Variants in SEMA6A observed in about 807,000 individuals in gnomAD.
The protein encoded by SEMA6A is semaphorin 6A, also known as semaphorin-6A.
SEMA6A carries 25 observed loss-of-function variants against 96.8 expected under a neutral mutation model. That is an observed-to-expected ratio of 0.26 (90% CI 0.19 to 0.36). The LOEUF is 0.36. Ranked by LOEUF, SEMA6A falls within the 10% of genes least tolerant of loss-of-function variation. The probability of loss-of-function intolerance (pLI) is 1.00; values close to 1 mark genes in which losing one functional copy is unlikely to be tolerated. For synonymous variants in SEMA6A, 612 were observed against 518.0 expected, an observed-to-expected ratio of 1.18 and a Z score of -2.46; for missense variants, 1,363 against 1,323.1, an observed-to-expected ratio of 1.03 and a Z score of -0.47.
At chr5:116,489,399 A>G (rs1046396974) in intron 7 of SEMA6A, among the ~76,000 whole-genome samples, 1 of 152,118 alleles carries the variant, frequency 6.6e-6, no homozygotes, top group Non-Finnish European at 1.5e-5. Flanking sequence ...GCCCAGGGAA[A>G]GATAGATGCT....
At chr5:116,481,991 G>T (rs544080111) in intron 11 of SEMA6A, among the ~76,000 whole-genome samples, 26 of 152,242 alleles carry the variant, frequency 1.7e-4, no homozygotes, top group Non-Finnish European at 2.8e-4. Flanking sequence ...CCTAGACTGA[G>T]CTCTGATCCA....
At position 116,479,240 on chromosome 5, in the gene SEMA6A, C is replaced by T. The variant is rs529875970; in HGVS notation, c.1251-522G>A. On this transcript the variant is annotated intron_variant, in intron 12 of 18. Transcript: ENST00000343348. ...TGGCACTACTAAAAACTGTAAGGAC[C>T]TGCAAGCCAAACAATATCCATTTAA... is the stretch of plus-strand genomic sequence containing the variant. 2.6e-5 allele frequency among the ~76,000 whole-genome samples: 4 copies of T among 152,274 alleles called. No individual in the cohort carries two copies. The East Asian group carries it at 7.7e-4, about 29-fold the overall frequency.
At chr5:116,527,980 G>A (rs1021671443) in intron 1 of SEMA6A, among the ~76,000 whole-genome samples, 14 of 152,058 alleles carry the variant, frequency 9.2e-5, no homozygotes, top group African/African-American at 3.4e-4. Context: ...AACAATACAG[G>A]TTTTTCCTTA....
chr5:116,515,092 G>C (rs1758604964), intron 1 of SEMA6A, among the ~76,000 whole-genome samples: 1 of 152,326 alleles, frequency 6.6e-6, no homozygotes, highest in East Asian at 1.9e-4. Flanking sequence ...TGTGGAGGGG[G>C]CAGGTGGGAA....
intron 1 of SEMA6A, among the ~76,000 whole-genome samples, chr5:116,514,281 C>G (rs1017723279): frequency 6.6e-6 from 1 of 152,162 alleles, no homozygotes; most frequent in African/African-American, 2.4e-5. Flanking sequence ...GCTCCACAAC[C>G]TTGCTAGTAT....
intron 10 of SEMA6A, among the ~76,000 whole-genome samples, chr5:116,483,779 A>G (rs1756906549): frequency 6.6e-6 from 1 of 152,212 alleles, no homozygotes; most frequent in South Asian, 2.1e-4. Flanking sequence ...TAAGACAGTG[A>G]TAGGCCGGGC....
At chr5:116,545,246 G>A (rs1198359914) in intron 1 of SEMA6A, among the ~76,000 whole-genome samples, 3 of 152,194 alleles carry the variant, frequency 2.0e-5, no homozygotes, top group African/African-American at 4.8e-5. Flanking sequence ...ACAGGACACA[G>A]TAGCAGGGAC....
chr5:116,570,675 A>T (rs1761176562), intron 1 of SEMA6A, among the ~76,000 whole-genome samples: 1 of 152,210 alleles, frequency 6.6e-6, no homozygotes, highest in African/African-American at 2.4e-5. Flanking sequence ...AGTTCTAAAA[A>T]AACTTTCATC....
At position 116,467,605 on chromosome 5, in the gene SEMA6A, G is replaced by C; in HGVS notation, c.1872C>G (p.Ser624=). 1.2e-6 allele frequency: 2 copies of C among 1,613,094 alleles called. No homozygotes were observed. The highest frequency in any genetic ancestry group is 1.7e-6 in the Non-Finnish European group (2 of 1,179,600). ...DSTDPLGAVS[S]HNHQDKKGVI... The stretch of plus-strand genomic sequence containing the variant: ...TACCCTTCTTGTCTTGGTGATTATG[G>C]GAAGACACTGCCCCCAAAGGGTCTG... Residue 624 remains serine (S), a synonymous_variant, in exon 18 of 19, where the codon TCC becomes TCG. Coordinates refer to ENST00000343348, the MANE Select transcript of SEMA6A (RefSeq NM_020796.5).
intron 18 of SEMA6A, among the ~76,000 whole-genome samples, chr5:116,464,301 A>G (rs1755594071): frequency 6.6e-6 from 1 of 152,224 alleles, no homozygotes; most frequent in South Asian, 2.1e-4. Context: ...GGCTCCAGAC[A>G]TCTAGAGAAC....
chr5:116,507,104 C>T lies in SEMA6A; in HGVS notation c.-38-2122G>A, dbSNP rs568550499. Among the ~76,000 whole-genome samples the T allele has an allele frequency of 8.5e-5, 13 of 152,332 alleles. No individual in the cohort carries two copies. The South Asian group carries it at 2.7e-3, about 32-fold the overall frequency. Reference sequence around the variant, plus strand: ...AAGTCAGTGGCTATTCTGGCTATCCCTGCAGCCAGCATCATTTAAGTATCT... The same window carrying T: ...AAGTCAGTGGCTATTCTGGCTATCCTTGCAGCCAGCATCATTTAAGTATCT... On this transcript the variant is annotated intron_variant, in intron 1 of 18. Transcript: ENST00000343348.
chr5:116,449,323 T>C (rs1197512023), intron 18 of SEMA6A: 1 of 702,366 alleles, frequency 1.4e-6, no homozygotes, highest in Non-Finnish European at 2.6e-6. Flanking sequence ...GTACCTTCTC[T>C]GGTCTCGGGA....
At chr5:116,467,882 AGTGGTGGTGGTG>A (rs3073761) in intron 17 of SEMA6A, 135 bp from the exon 18 acceptor site, 24,148 of 551,374 alleles carry the variant, frequency 0.044, 718 homozygotes, top group Middle Eastern at 0.076. Flanking sequence ...GACACGGCTT[AGTGGTGGTGGTG>A]GTGGTGGTGG....
chr5:116,558,986 A>G (rs1379273095), intron 1 of SEMA6A, among the ~76,000 whole-genome samples: 1 of 152,224 alleles, frequency 6.6e-6, no homozygotes, highest in East Asian at 1.9e-4. Flanking sequence ...ATAAACAGGA[A>G]CTAGGTGGCT....
At chr5:116,534,071 G>T (rs535442127) in intron 1 of SEMA6A, among the ~76,000 whole-genome samples, 1 of 152,102 alleles carries the variant, frequency 6.6e-6, no homozygotes, top group Non-Finnish European at 1.5e-5. Flanking sequence ...CCTTCCAAGG[G>T]TGGGCACAAC....
chr5:116,571,319 T>A (rs1185958748), intron 1 of SEMA6A, among the ~76,000 whole-genome samples: 1 of 152,232 alleles, frequency 6.6e-6, no homozygotes, highest in East Asian at 1.9e-4. Flanking sequence ...GGTATCTGCT[T>A]AACATTTACA....
chr5:116,482,444 C>T lies in SEMA6A; in HGVS notation c.1094G>A (p.Arg365Lys). ...PVPDERVPKPRPGCCAGSSSL... is the reference protein window; with the variant it reads ...PVPDERVPKPKPGCCAGSSSL... ...TAGCCATATGAATATTTGCACATAC[C>T]TGGGCTTAGGAACTCGTTCATCAGG... is the stretch of plus-strand genomic sequence containing the variant. Residue 365 changes from arginine to lysine, a missense_variant and splice_region_variant, in exon 11 of 19, where the codon AGG (arginine) becomes AAG (lysine). By Grantham distance (26) the Arg-to-Lys change is conservative (BLOSUM62 2). This residue lies in a region of SEMA6A where 480 missense variants were observed against 559.5 expected (regional missense o/e 0.86). Coordinates refer to ENST00000343348, the MANE Select transcript of SEMA6A (RefSeq NM_020796.5). 6.2e-7 allele frequency: 1 copy of T among 1,612,732 alleles called. No individual in the cohort carries two copies. Among genetic ancestry groups the T allele is most frequent in the Non-Finnish European group, 8.5e-7 (1 of 1,179,270 alleles).
chr5:116,492,675 A>G (rs1015974644), intron 6 of SEMA6A, among the ~76,000 whole-genome samples: 1 of 152,220 alleles, frequency 6.6e-6, no homozygotes, highest in East Asian at 1.9e-4. Context: ...TAACCTTTCT[A>G]ACACATTCAG....
intron 1 of SEMA6A, among the ~76,000 whole-genome samples, chr5:116,567,214 TTTCCCTG>T (rs1248859612): frequency 6.6e-6 from 1 of 152,192 alleles, no homozygotes; most frequent in Admixed American, 6.5e-5. Context: ...AATTCCAAAG[TTTCCCTG>T]TTTCCTGTTT....
Sources: gnomAD v4.1 joint callset for allele counts (sites outside exome capture counted in the v4.1 genomes callset) on GRCh38, gnomAD v4.1.1 for gene constraint, gnomAD v4.1.1 regional missense constraint, MANE v1.5 for transcripts, NCBI Gene and HGNC (gene_info 2026-07-23, HGNC 2026-07-21) for gene names.